HMG20A: variants seen among roughly 807,000 people sequenced by gnomAD.
HMG20A encodes the protein high mobility group 20A, also known as high mobility group protein 20A.
A neutral mutation model predicts 43.9 loss-of-function variants in HMG20A; 17 were observed. That is an observed-to-expected ratio of 0.39 (90% CI 0.27 to 0.58). The LOEUF (loss-of-function observed/expected upper bound fraction) is 0.58, where lower values mean the gene tolerates loss of function less well. HMG20A is among the 20% of genes least tolerant of loss of function. The pLI, the probability that HMG20A is intolerant of heterozygous loss-of-function variation, is 0.59. For synonymous variants in HMG20A, 132 were observed against 147.5 expected (o/e 0.89, Z 0.76); for missense variants, 341 against 438.2 (o/e 0.78, Z 1.98).
At chr15:77,459,123 A>G (rs2072682682) in intron 2 of HMG20A, among the ~76,000 whole-genome samples, 1 of 152,248 alleles carries the variant, frequency 6.6e-6, no homozygotes, top group African/African-American at 2.4e-5. Flanking sequence ...GTGCTAGCTA[A>G]TCCCTAAGAT....
At chr15:77,505,219 T>C in the HMG20A span, among the ~76,000 whole-genome samples, 2 of 152,206 alleles carry the variant, frequency 1.3e-5, no homozygotes, top group Admixed American at 6.5e-5. Context: ...CAGCAATGCA[T>C]GAGTTGGGAC....
chr15:77,491,613 A>G, the HMG20A span, among the ~76,000 whole-genome samples: 1 of 152,200 alleles, frequency 6.6e-6, no homozygotes, highest in Admixed American at 6.5e-5. Context: ...AAAGCTAACT[A>G]CAATAGGGTC....
intron 9 of HMG20A, among the ~76,000 whole-genome samples, chr15:77,481,821 T>C (rs1466119051): frequency 6.6e-6 from 1 of 152,072 alleles, no homozygotes; most frequent in Non-Finnish European, 1.5e-5. Flanking sequence ...ACAAAGACTG[T>C]GATTAATACT....
chr15:77,426,929 A>C (rs2073433649), intron 1 of HMG20A, among the ~76,000 whole-genome samples: 1 of 152,148 alleles, frequency 6.6e-6, no homozygotes, highest in African/African-American at 2.4e-5. Flanking sequence ...TTAATGTAGC[A>C]GGGATTTTGG....
At chr15:77,464,409 T>C (rs1172875468) in intron 3 of HMG20A, 22 bp downstream of exon 3, 1 of 1,611,188 alleles carries the variant, frequency 6.2e-7, no homozygotes, top group Admixed American at 1.7e-5. Flanking sequence ...TATCTCCTTC[T>C]GTTCCTATCC....
At chr15:77,451,991 A>G (rs1254886326) in intron 1 of HMG20A, among the ~76,000 whole-genome samples, 3 of 152,230 alleles carry the variant, frequency 2.0e-5, no homozygotes, top group African/African-American at 4.8e-5. Context: ...CTTACAAATA[A>G]TAAAGGAGAA....
intron 4 of HMG20A, 106 bp from the exon 5 acceptor site, chr15:77,470,804 C>T: frequency 1.0e-6 from 1 of 987,396 alleles, no homozygotes; most frequent in Non-Finnish European, 1.4e-6. Flanking sequence ...TCCCTATATT[C>T]TTTTCTTCCC....
chr15:77,495,762 G>C, the HMG20A span, among the ~76,000 whole-genome samples: 350 of 152,276 alleles, frequency 2.3e-3, 3 homozygotes, highest in African/African-American at 7.8e-3. Flanking sequence ...TGAAAGAGAA[G>C]TGTCATCCCC....
intron 1 of HMG20A, among the ~76,000 whole-genome samples, chr15:77,429,415 T>TC (rs903289238): frequency 1.3e-5 from 2 of 152,052 alleles, no homozygotes; most frequent in African/African-American, 2.4e-5. Flanking sequence ...CTCCTTTTTT[T>TC]CCCCCATGTC....
In HMG20A at chr15:77,460,947, C is replaced by G. The variant is rs533153016; in HGVS notation, c.89+2451C>G. On this transcript the variant is annotated intron_variant, in intron 2 of 9. Coordinates refer to ENST00000336216, the MANE Select transcript of HMG20A (RefSeq NM_001304504.2). ...GTTGCAGTGAGCTGTGATCGTGCCA[C>G]TGCACTCCAGCCTGGGTGACAGAGC... Among the ~76,000 whole-genome samples, 26 of 152,150 alleles carry G rather than the reference C, an allele frequency of 1.7e-4. 1 individual carries two copies. In the South Asian group the frequency reaches 5.2e-3, roughly 30 times the overall value.
chr15:77,499,895 T>A, the HMG20A span, among the ~76,000 whole-genome samples: 1 of 151,936 alleles, frequency 6.6e-6, no homozygotes, highest in Non-Finnish European at 1.5e-5. Context: ...AGCAGCACGA[T>A]CCTGGCTCAC....
chr15:77,499,534 C>T, the HMG20A span, among the ~76,000 whole-genome samples: 3 of 150,970 alleles, frequency 2.0e-5, no homozygotes, highest in East Asian at 3.9e-4. Context: ...TGCTCCCCCC[C>T]ACACACACAC....
intron 6 of HMG20A, among the ~76,000 whole-genome samples, chr15:77,476,402 T>C (rs536045185): frequency 6.7e-6 from 1 of 150,200 alleles, no homozygotes; most frequent in South Asian, 2.1e-4. Flanking sequence ...GGAGAATTGC[T>C]TGAACCTGGG....
the HMG20A span, among the ~76,000 whole-genome samples, chr15:77,518,121 A>T: frequency 0.01 from 1,572 of 152,310 alleles, 21 homozygotes; most frequent in African/African-American, 0.034. Flanking sequence ...AGCTGATCCC[A>T]TCAAGGATGG....
chr15:77,445,239 G>A (rs2073660150), intron 1 of HMG20A, among the ~76,000 whole-genome samples: 1 of 152,166 alleles, frequency 6.6e-6, no homozygotes, highest in African/African-American at 2.4e-5. Context: ...TCTCTTCAGC[G>A]TTGTCTCACA....
intron 1 of HMG20A, among the ~76,000 whole-genome samples, chr15:77,429,556 C>G (rs1490813471): frequency 6.6e-6 from 1 of 152,074 alleles, no homozygotes; most frequent in African/African-American, 2.4e-5. Flanking sequence ...GTTATATCAA[C>G]AAATAATAAA....
At chr15:77,496,667 T>C in the HMG20A span, among the ~76,000 whole-genome samples, 5 of 152,228 alleles carry the variant, frequency 3.3e-5, no homozygotes, top group African/African-American at 1.2e-4. Flanking sequence ...CGTTTACTTT[T>C]TCCCCCTCTC....
At chr15:77,427,863 G>A (rs1008523709) in intron 1 of HMG20A, among the ~76,000 whole-genome samples, 1 of 152,088 alleles carries the variant, frequency 6.6e-6, no homozygotes, top group African/African-American at 2.4e-5. Flanking sequence ...TAATAATTTG[G>A]CATTTTTCCA....
At chr15:77,471,115 A>G in intron 5 of HMG20A, 73 bp downstream of exon 5, 1 of 1,428,404 alleles carries the variant, frequency 7.0e-7, no homozygotes, top group Non-Finnish European at 9.4e-7. Flanking sequence ...AACTGTTAAG[A>G]GTGGTAACTA....
Sources: gnomAD v4.1 joint callset for allele counts (sites outside exome capture counted in the v4.1 genomes callset) on GRCh38, gnomAD v4.1.1 for gene constraint, MANE v1.5 for transcripts, NCBI Gene and HGNC (gene_info 2026-07-23, HGNC 2026-07-21) for gene names.